The following SPON1 variants were observed in gnomAD, a reference collection of about 807,000 sequenced individuals.
The protein encoded by SPON1 is spondin 1, also known as spondin-1.
Under a neutral mutation model 111.7 loss-of-function variants are expected in SPON1, and 52 were observed. The ratio of observed to expected loss-of-function variants is 0.47; its 90% confidence interval spans 0.37 to 0.59. The LOEUF is 0.59. Ranked by LOEUF, SPON1 falls within the 20% of genes least tolerant of loss-of-function variation. The pLI is 0.00. For missense variants in SPON1, 957 were observed against 1,068.5 expected (o/e 0.90, Z 1.46); for synonymous variants, 410 against 395.8 (o/e 1.04, Z -0.43).
At chr11:14,132,586 T>C (rs1173216280) in intron 5 of SPON1, among the ~76,000 whole-genome samples, 2 of 152,152 alleles carry the variant, frequency 1.3e-5, no homozygotes, top group African/African-American at 2.4e-5. Context: ...GCCCCCAGAC[T>C]GTGAGTCCCT....
chr11:14,208,938 A>G (rs1185438219), intron 6 of SPON1, among the ~76,000 whole-genome samples: 5 of 152,312 alleles, frequency 3.3e-5, no homozygotes, highest in Non-Finnish European at 5.9e-5. Context: ...ATTTTTCAAA[A>G]TATCATTTTA....
At chr11:13,988,873 C>A (rs921566935) in intron 2 of SPON1, among the ~76,000 whole-genome samples, 1 of 152,130 alleles carries the variant, frequency 6.6e-6, no homozygotes, top group African/African-American at 2.4e-5. Context: ...TATGTTGAAC[C>A]AGCCTTGCAT....
At chr11:14,183,991 G>A (rs558599606) in intron 6 of SPON1, among the ~76,000 whole-genome samples, 2 of 152,266 alleles carry the variant, frequency 1.3e-5, no homozygotes, top group African/African-American at 2.4e-5. Context: ...TTGATGAAAA[G>A]CAACTCCTGA....
chr11:13,972,434 C>A (rs1223065305), intron 1 of SPON1, among the ~76,000 whole-genome samples: 2 of 152,164 alleles, frequency 1.3e-5, no homozygotes, highest in Non-Finnish European at 2.9e-5. Context: ...AGCTGTCAGC[C>A]ATTCATGAAT....
chr11:14,001,027 AG>A (rs1234181716), intron 2 of SPON1, among the ~76,000 whole-genome samples: 1 of 152,208 alleles, frequency 6.6e-6, no homozygotes, highest in Non-Finnish European at 1.5e-5. Context: ...TATGAAAAAA[AG>A]CTGAAAAACT....
At chr11:14,256,477 G>T in intron 9 of SPON1, 140 bp from the exon 10 acceptor site, 3 of 569,254 alleles carry the variant, frequency 5.3e-6, no homozygotes, top group Non-Finnish European at 9.2e-6. Flanking sequence ...CAGGCAGATT[G>T]TAAATGTTGG....
intron 6 of SPON1, among the ~76,000 whole-genome samples, chr11:14,238,329 G>T (rs1254784595): frequency 1.3e-5 from 2 of 152,070 alleles, no homozygotes; most frequent in African/African-American, 4.8e-5. Flanking sequence ...AGCAGCAAAG[G>T]AATGTTTAGG....
At chr11:14,078,707 G>C (rs1848937617) in intron 4 of SPON1, among the ~76,000 whole-genome samples, 1 of 152,050 alleles carries the variant, frequency 6.6e-6, no homozygotes, top group Non-Finnish European at 1.5e-5. Context: ...CTGTAAAATG[G>C]GGATAGCAAA....
chr11:14,105,963 T>A (rs537072950), intron 5 of SPON1, among the ~76,000 whole-genome samples: 8 of 152,312 alleles, frequency 5.3e-5, no homozygotes, highest in African/African-American at 1.9e-4. Context: ...GTTAATTTAT[T>A]GATAACTTGC....
intron 7 of SPON1, among the ~76,000 whole-genome samples, chr11:14,244,924 CG>C (rs1262877073): frequency 3.3e-5 from 5 of 152,186 alleles, no homozygotes; most frequent in Admixed American, 2.6e-4. Flanking sequence ...CAGGCCACCC[CG>C]AATCCTGGGC....
chr11:14,147,888 A>AT (rs1847742113), intron 6 of SPON1, among the ~76,000 whole-genome samples: 1 of 152,194 alleles, frequency 6.6e-6, no homozygotes, highest in Non-Finnish European at 1.5e-5. Flanking sequence ...CAGAAAAGGA[A>AT]AATGAGATGG....
At chr11:14,115,680 A>T (rs542721374) in intron 5 of SPON1, among the ~76,000 whole-genome samples, 1 of 152,216 alleles carries the variant, frequency 6.6e-6, no homozygotes, top group South Asian at 2.1e-4. Context: ...ATGGATGAAC[A>T]TTTGGGTAGT....
intron 5 of SPON1, among the ~76,000 whole-genome samples, chr11:14,131,627 G>A (rs76275808): frequency 3.5e-4 from 54 of 152,120 alleles, no homozygotes; most frequent in Non-Finnish European, 5.4e-4. Context: ...CAATTCTTTC[G>A]AAAACTATCT....
chr11:14,051,179 C>T lies in SPON1; in HGVS notation c.479+9525C>T, dbSNP rs531302094. Among the ~76,000 whole-genome samples the T allele has an allele frequency of 3.3e-5, 5 of 152,194 alleles. No homozygotes were observed. The East Asian group carries it at 5.8e-4, about 18-fold the overall frequency. On this transcript the variant is annotated intron_variant, in intron 3 of 15. Transcript: ENST00000576479. ...TCGTGATGGTATTTGGAGGTGGGACCTTTGTGCTATAATTAGATCAAGAGG... is the reference window on the plus strand; with the variant it reads ...TCGTGATGGTATTTGGAGGTGGGACTTTTGTGCTATAATTAGATCAAGAGG...
At chr11:14,210,087 T>G (rs1203927300) in intron 6 of SPON1, among the ~76,000 whole-genome samples, 2 of 152,218 alleles carry the variant, frequency 1.3e-5, no homozygotes, top group African/African-American at 4.8e-5. Flanking sequence ...TCATATTCTT[T>G]GCCCACTTTT....
intron 6 of SPON1, among the ~76,000 whole-genome samples, chr11:14,178,035 C>CACACACAA (rs1554933284): frequency 2.0e-5 from 3 of 146,566 alleles, no homozygotes; most frequent in African/African-American, 7.8e-5. Flanking sequence ...TGTTGTAAAA[C>CACACACAA]ACACACACAA....
intron 6 of SPON1, among the ~76,000 whole-genome samples, chr11:14,226,249 C>G (rs1848737778): frequency 6.6e-6 from 1 of 152,184 alleles, no homozygotes; most frequent in Non-Finnish European, 1.5e-5. Context: ...TTACACTGCT[C>G]CCTTCTAATG....
intron 5 of SPON1, among the ~76,000 whole-genome samples, chr11:14,107,561 G>C (rs1194770713): frequency 7.7e-6 from 1 of 130,142 alleles, no homozygotes; most frequent in African/African-American, 2.9e-5. Flanking sequence ...CTTAAAATTT[G>C]ATCTGTATTC....
chr11:14,031,126 C>T (rs1281418476), intron 2 of SPON1, among the ~76,000 whole-genome samples: 4 of 152,174 alleles, frequency 2.6e-5, no homozygotes, highest in African/African-American at 7.2e-5. Flanking sequence ...CACATGTTCT[C>T]ACTTGTAAGT....
Sources: gnomAD v4.1 joint callset for allele counts (sites outside exome capture counted in the v4.1 genomes callset) on GRCh38, gnomAD v4.1.1 for gene constraint, MANE v1.5 for transcripts, NCBI Gene and HGNC (gene_info 2026-07-23, HGNC 2026-07-21) for gene names.